MZT2B: variants seen among roughly 807,000 people sequenced by gnomAD.
MZT2B encodes mitotic-spindle organizing protein 2B.
A neutral mutation model predicts 12.1 loss-of-function variants in MZT2B; 11 were observed. The observed-to-expected ratio is 0.91, with a 90% CI of 0.57 to 1.50. MZT2B has a LOEUF of 1.50. Among genes scored for constraint, MZT2B ranks in the 40% most tolerant of loss-of-function variants. The pLI is 0.00. For synonymous variants in MZT2B, 85 were observed against 109.5 expected (o/e 0.78, Z 1.40); for missense variants, 209 against 227.7 (o/e 0.92, Z 0.53).
chr2:130,192,042 G>T, downstream of MZT2B: 1 of 1,614,162 alleles, frequency 6.2e-7, no homozygotes, highest in South Asian at 1.1e-5. Context: ...AATGGCCGTG[G>T]TGTTGCTCAG....
chr2:130,190,860 A>G (rs1663230445), downstream of MZT2B: 3 of 956,284 alleles, frequency 3.1e-6, no homozygotes, highest in East Asian at 6.7e-5. Flanking sequence ...AACTTCCTGA[A>G]CCTGATTTGG....
chr2:130,195,921 C>T, the MZT2B span, among the ~76,000 whole-genome samples: 40 of 152,398 alleles, frequency 2.6e-4, 1 homozygote, highest in African/African-American at 8.9e-4. Context: ...GCCCATCTTA[C>T]TGCTGGCAAA....
chr2:130,199,537 A>G, the MZT2B span, among the ~76,000 whole-genome samples: 1 of 122,912 alleles, frequency 8.1e-6, no homozygotes, highest in South Asian at 2.8e-4. Flanking sequence ...GTGACAGAGC[A>G]AAACTCCATC....
In MZT2B at chr2:130,190,464, C is replaced by T. The variant is rs1690222286; in HGVS notation, c.320-5C>T. 1 of 1,613,164 alleles carries T rather than the reference C, an allele frequency of 6.2e-7. No individual in the cohort carries two copies. Among genetic ancestry groups the T allele is most frequent in the African/African-American group, 1.3e-5 (1 of 74,916 alleles). On this transcript the variant is annotated splice_polypyrimidine_tract_variant and splice_region_variant and intron_variant, in intron 2 of 2. Coordinates refer to ENST00000281871, the MANE Select transcript of MZT2B (RefSeq NM_025029.5). ...TCCTAATCATTGTGCTTTGTGTCTC[C>T]TCAGGGAGAAACAAAGGCAGCGCTG...
chr2:130,199,662 G>A, the MZT2B span, among the ~76,000 whole-genome samples: 5 of 121,026 alleles, frequency 4.1e-5, 1 homozygote, highest in Admixed American at 3.7e-4. Context: ...AAAAGAAGAG[G>A]CAGTTCCTAA....
intron 2 of MZT2B, chr2:130,185,023 G>A: frequency 2.4e-6 from 1 of 417,858 alleles, no homozygotes; most frequent in Non-Finnish European, 3.2e-6. Context: ...AAACTAGCCA[G>A]GCAGGGCTGG....
At chr2:130,187,095 C>G (rs920968839) in intron 2 of MZT2B, among the ~76,000 whole-genome samples, 7 of 151,716 alleles carry the variant, frequency 4.6e-5, no homozygotes, top group African/African-American at 1.7e-4. Flanking sequence ...AATGCAACAT[C>G]TTATGAATAA....
At chr2:130,198,363 C>T in the MZT2B span, 11 of 1,356,252 alleles carry the variant, frequency 8.1e-6, 4 homozygotes, top group East Asian at 8.2e-5. Context: ...CTTACCATGG[C>T]GAACTCCGCT....
downstream of MZT2B, among the ~76,000 whole-genome samples, chr2:130,193,090 C>CA (rs34628369): frequency 0.42 from 56,013 of 133,936 alleles, 11,107 homozygotes; most frequent in Admixed American, 0.5. Context: ...AAGATTGTCT[C>CA]AAAAAAAAAA....
chr2:130,187,784 G>A (rs772253665), intron 2 of MZT2B, among the ~76,000 whole-genome samples: 26 of 152,154 alleles, frequency 1.7e-4, no homozygotes, highest in East Asian at 1.9e-4. Context: ...CCCTGAGAGC[G>A]CACAATTCCT....
chr2:130,196,290 C>A, the MZT2B span: 1 of 1,614,098 alleles, frequency 6.2e-7, no homozygotes. Context: ...GGCTGAATTC[C>A]ATGTTCAAGG....
the MZT2B span, among the ~76,000 whole-genome samples, chr2:130,198,628 C>T: frequency 4.9e-5 from 6 of 123,700 alleles, no homozygotes; most frequent in South Asian, 2.8e-4. Context: ...AAAGGCTGCG[C>T]GGTTGCTGAG....
the MZT2B span, among the ~76,000 whole-genome samples, chr2:130,197,364 G>A: frequency 8.0e-6 from 1 of 125,666 alleles, no homozygotes; most frequent in Admixed American, 8.9e-5. Flanking sequence ...GCACACACCT[G>A]TAGTACCAGC....
At chr2:130,204,692 A>C in the MZT2B span, among the ~76,000 whole-genome samples, 1 of 50,218 alleles carries the variant, frequency 2.0e-5, no homozygotes, top group Non-Finnish European at 4.3e-5. Flanking sequence ...ACTCTGTCTC[A>C]AAAAAAAAAA....
downstream of MZT2B, chr2:130,192,051 A>G: frequency 5.0e-6 from 8 of 1,614,112 alleles, no homozygotes; most frequent in Non-Finnish European, 5.9e-6. Context: ...GGTGTTGCTC[A>G]GCATGCACAC....
chr2:130,183,695 C>T (rs750596688), intron 2 of MZT2B: 158 of 1,548,966 alleles, frequency 1.0e-4, no homozygotes, highest in Non-Finnish European at 1.3e-4. Context: ...CACCCACACC[C>T]GCTGACCCAA....
downstream of MZT2B, among the ~76,000 whole-genome samples, chr2:130,191,131 T>C (rs1361621397): frequency 6.6e-6 from 1 of 151,890 alleles, no homozygotes; most frequent in Non-Finnish European, 1.5e-5. Context: ...GTTGTATTTT[T>C]AGTAGAGACG....
At chr2:130,183,800 C>G (rs1380961906) in intron 2 of MZT2B, 12 of 1,550,636 alleles carry the variant, frequency 7.7e-6, no homozygotes, top group Non-Finnish European at 9.6e-6. Context: ...CCTCCTTTCT[C>G]TCTGCCAGGA....
At chr2:130,194,771 G>A (rs1690362861), downstream of MZT2B, among the ~76,000 whole-genome samples, 1 of 152,112 alleles carries the variant, frequency 6.6e-6, no homozygotes, top group South Asian at 2.1e-4. Flanking sequence ...TCCACCTTCC[G>A]AGTTCAAGCA....
Sources: gnomAD v4.1 joint callset for allele counts (sites outside exome capture counted in the v4.1 genomes callset) on GRCh38, gnomAD v4.1.1 for gene constraint, MANE v1.5 for transcripts, NCBI Gene and HGNC (gene_info 2026-07-23, HGNC 2026-07-21) for gene names.